Variants in APOH observed in about 807,000 individuals in gnomAD.
APOH encodes the protein apolipoprotein H, also known as beta-2-glycoprotein 1.
APOH carries 48 observed loss-of-function variants against 39.8 expected under a neutral mutation model. That is an observed-to-expected ratio of 1.21 (90% CI 0.96 to 1.54). APOH has a LOEUF of 1.54. Ranked by LOEUF, APOH falls within the 40% of genes most tolerant of loss-of-function variation. The pLI, the probability that APOH is intolerant of heterozygous loss-of-function variation, is 0.00. For synonymous variants in APOH, 153 were observed against 151.1 expected, an observed-to-expected ratio of 1.01 and a Z score of -0.09; for missense variants, 415 against 421.2, an observed-to-expected ratio of 0.99 and a Z score of 0.13.
At position 66,212,197 on chromosome 17, in the gene APOH, GGA is replaced by G; in HGVS notation, c.983-11_983-10del. 1 of 1,611,148 alleles carries G rather than the reference GGA, an allele frequency of 6.2e-7. No individual in the cohort carries two copies. Among genetic ancestry groups the G allele is most frequent in the Non-Finnish European group, 8.5e-7 (1 of 1,177,848 alleles). ...AGCCAGAGAACTGTGTTCTGTTGGG[GGA>G]GAAAAAGATAAACATTCTAAGAGAA... On this transcript the variant is annotated splice_polypyrimidine_tract_variant and intron_variant, in intron 7 of 7. Coordinates refer to ENST00000205948, the MANE Select transcript of APOH (RefSeq NM_000042.3).
In APOH at chr17:66,220,822, C is replaced by A. The variant is rs188646425; in HGVS notation, c.416-80G>T. 6.9e-6 allele frequency: 9 copies of A among 1,308,800 alleles called. No individual in the cohort carries two copies. In the South Asian group the frequency reaches 1.0e-4, roughly 15 times the overall value. The allele number at this position is 1,308,800 out of a possible 1,614,324, so 81.1% of individuals were successfully genotyped here. A position where few individuals can be genotyped will look rare whatever the true frequency, so the allele number is the denominator to read the frequency against. On this transcript the variant is annotated intron_variant, in intron 4 of 7. Coordinates refer to ENST00000205948, the MANE Select transcript of APOH (RefSeq NM_000042.3). The stretch of plus-strand genomic sequence containing the variant: ...ACTCTTTCCAGAAAGAAAAAAAAAA[C>A]CCTAAGGATAAACTTGAGAAAATGC...
chr17:66,213,613 A>C (rs2073347863), intron 7 of APOH, among the ~76,000 whole-genome samples: 1 of 152,168 alleles, frequency 6.6e-6, no homozygotes, highest in South Asian at 2.1e-4. Flanking sequence ...CATTCATTGA[A>C]TATAACCACA....
intron 2 of APOH, 27 bp from the exon 3 acceptor site, chr17:66,226,151 C>A: frequency 6.6e-7 from 1 of 1,523,018 alleles, no homozygotes; most frequent in Non-Finnish European, 8.9e-7. Flanking sequence ...AAAAATGTTA[C>A]TTTTCTTTGG....
At chr17:66,220,487 T>C in intron 5 of APOH, 67 bp downstream of exon 5, 1 of 1,502,026 alleles carries the variant, frequency 6.7e-7, no homozygotes, top group South Asian at 1.2e-5. Flanking sequence ...ATAGTCAGAA[T>C]TTTCAATACC....
At chr17:66,226,215 T>C in intron 2 of APOH, 91 bp from the exon 3 acceptor site, 1 of 888,482 alleles carries the variant, frequency 1.1e-6, no homozygotes, top group Non-Finnish European at 1.7e-6. Context: ...TTTCATTAAA[T>C]GAAACATATA....
At chr17:66,221,587 C>T (rs2146995980) in intron 4 of APOH, among the ~76,000 whole-genome samples, 1 of 152,264 alleles carries the variant, frequency 6.6e-6, no homozygotes, top group South Asian at 2.1e-4. Context: ...CAGAATTTGT[C>T]CCTCAGTGCT....
At chr17:66,218,431 C>T (rs1021171636) in intron 5 of APOH, among the ~76,000 whole-genome samples, 2 of 152,036 alleles carry the variant, frequency 1.3e-5, no homozygotes, top group Non-Finnish European at 2.9e-5. Flanking sequence ...GCCTCAACCT[C>T]CTGAGCAGCT....
intron 7 of APOH, among the ~76,000 whole-genome samples, chr17:66,212,466 C>T (rs1395156822): frequency 3.3e-5 from 5 of 152,116 alleles, no homozygotes; most frequent in African/African-American, 9.7e-5. Flanking sequence ...CTCACTGCAA[C>T]CTCTACCTCC....
At chr17:66,224,228 C>A (rs2073420631) in intron 3 of APOH, among the ~76,000 whole-genome samples, 2 of 152,034 alleles carry the variant, frequency 1.3e-5, no homozygotes, top group South Asian at 4.2e-4. Flanking sequence ...GTAATCCCAG[C>A]ACTTTGGGAG....
chr17:66,224,749 A>G (rs1210117874), intron 3 of APOH, among the ~76,000 whole-genome samples: 1 of 147,334 alleles, frequency 6.8e-6, no homozygotes, highest in Admixed American at 6.8e-5. Flanking sequence ...AAAGGAAAGG[A>G]AAGGAAAGGA....
chr17:66,216,320 TA>T (rs2073365221), intron 6 of APOH, among the ~76,000 whole-genome samples: 1 of 151,978 alleles, frequency 6.6e-6, no homozygotes, highest in African/African-American at 2.4e-5. Flanking sequence ...CCATCTCTAT[TA>T]AAAATACAAA....
chr17:66,224,627 AGAAAGGAAG>A lies in APOH; in HGVS notation c.339-862_339-854del, dbSNP rs1567741529. Among the ~76,000 whole-genome samples, 425 of 127,156 alleles carry A rather than the reference AGAAAGGAAG, an allele frequency of 3.3e-3. 29 individuals carry two copies. The highest frequency in any genetic ancestry group is 0.013 in the African/African-American group (404 of 31,854). The allele number at this position is 127,156 out of a possible 152,430, so 83.4% of individuals were successfully genotyped here. A position where few individuals can be genotyped will look rare whatever the true frequency, so the allele number is the denominator to read the frequency against. ...AGAAAGAAAAAGAAAGAAAGAAAGA[AGAAAGGAAG>A]AGAAGGGAAGGGAAGGGAAGGGAAG... On this transcript the variant is annotated intron_variant, in intron 3 of 7. Transcript: ENST00000205948.
chr17:66,212,532 G>A lies in APOH; in HGVS notation c.983-344C>T, dbSNP rs189538357. Among the ~76,000 whole-genome samples the A allele has an allele frequency of 1.2e-4, 18 of 152,130 alleles. 1 individual carries two copies. The highest frequency in any genetic ancestry group is 6.2e-4 in the South Asian group (3 of 4,808). ...CCCGAGTAGCTGGGACTACAGGCAC[G>A]TGCCACCATGCCTGGCTAATCTTTG... On this transcript the variant is annotated intron_variant, in intron 7 of 7. Transcript: ENST00000205948.
rs2073394225 is a variant in APOH, at chr17:66,220,870, A to G, written c.416-128T>C. The stretch of plus-strand genomic sequence containing the variant: ...TGCAAACTGATCAAATTAGCAGGGT[A>G]AAAATTGTCAATTGTGGATGCCTAA... On this transcript the variant is annotated intron_variant, in intron 4 of 7. Transcript: ENST00000205948. 3 of 1,003,310 alleles carry G rather than the reference A, an allele frequency of 3.0e-6. No homozygotes were observed. In the Admixed American group the frequency reaches 8.9e-5, roughly 30 times the overall value. The allele number at this position is 1,003,310 out of a possible 1,614,324, so 62.2% of individuals were successfully genotyped here.
intron 4 of APOH, 122 bp from the exon 5 acceptor site, chr17:66,220,864 C>T: frequency 9.3e-7 from 1 of 1,070,054 alleles, no homozygotes; most frequent in Non-Finnish European, 1.3e-6. Context: ...ATCAAATTAG[C>T]AGGGTAAAAA....
intron 6 of APOH, among the ~76,000 whole-genome samples, chr17:66,215,890 A>G (rs974942569): frequency 6.6e-6 from 1 of 152,214 alleles, no homozygotes; most frequent in Non-Finnish European, 1.5e-5. Context: ...TTTCAGTTCC[A>G]ATCTTCAGGA....
chr17:66,224,922 C>G (rs1269172870), intron 3 of APOH, among the ~76,000 whole-genome samples: 2 of 151,858 alleles, frequency 1.3e-5, no homozygotes, highest in African/African-American at 4.8e-5. Flanking sequence ...CAAAAATTAT[C>G]TGGGTGTGGT....
chr17:66,227,947 G>T, intron 2 of APOH, 73 bp downstream of exon 2: 8 of 1,503,304 alleles, frequency 5.3e-6, no homozygotes, highest in Non-Finnish European at 7.3e-6. Context: ...TGAGCATGAC[G>T]AGGTAGCTTA....
chr17:66,218,234 C>A (rs562817415), intron 5 of APOH, among the ~76,000 whole-genome samples: 3 of 152,150 alleles, frequency 2.0e-5, no homozygotes, highest in Non-Finnish European at 2.9e-5. Flanking sequence ...ATCTAGCACC[C>A]CTCAACTGAC....
Sources: gnomAD v4.1 joint callset for allele counts (sites outside exome capture counted in the v4.1 genomes callset) on GRCh38, gnomAD v4.1.1 for gene constraint, MANE v1.5 for transcripts, NCBI Gene and HGNC (gene_info 2026-07-23, HGNC 2026-07-21) for gene names.